Variants in IRX1 observed in about 807,000 individuals in gnomAD.
The protein encoded by IRX1 is iroquois homeobox 1, also known as iroquois-class homeodomain protein IRX-1.
In IRX1, 22 loss-of-function variants were observed where a neutral mutation model predicts 34.1. The observed-to-expected ratio is 0.64, with a 90% confidence interval of 0.46 to 0.92. The LOEUF (loss-of-function observed/expected upper bound fraction) is 0.92, where lower values mean the gene tolerates loss of function less well. Ranked by LOEUF, IRX1 falls within the 40% of genes least tolerant of loss-of-function variation. The probability of loss-of-function intolerance (pLI) is 0.00; values close to 1 mark genes in which losing one functional copy is unlikely to be tolerated. For synonymous variants in IRX1, 363 were observed against 319.0 expected (o/e 1.14, Z -1.47); for missense variants, 758 against 680.0 (o/e 1.11, Z -1.28).
Position 3,601,258 on chromosome 5 carries a change from C to A in IRX1, c.*218C>A. The stretch of plus-strand genomic sequence containing the variant: ...CCTCTGCCGGCGGCTCCAGTGGCTG[C>A]GATTATCGGGTTCGGTAAATGCCCC... On this transcript the variant is annotated 3_prime_UTR_variant, in exon 4 of 4. Coordinates refer to ENST00000302006, the MANE Select transcript of IRX1 (RefSeq NM_024337.4). 1.7e-6 allele frequency: 1 copy of A among 585,978 alleles called. No individual in the cohort carries two copies. The highest frequency in any genetic ancestry group is 3.1e-6 in the Non-Finnish European group (1 of 327,590). The allele number at this position is 585,978 out of a possible 1,614,324, so 36.3% of individuals were successfully genotyped here. A position where few individuals can be genotyped will look rare whatever the true frequency, so the allele number is the denominator to read the frequency against.
rs1460033526 is a variant in IRX1 at position 3,600,021 on chromosome 5, T to C, written c.1073T>C (p.Leu358Pro). ...AGAPLQHPAF[L>P]PSHGLYTCHI... ...GCGCCGCTGCAACACCCCGCCTTCC[T>C]GCCTAGCCACGGACTGTACACCTGC... The change falls in exon 2 of 4, where the codon CTG becomes CCG. Residue 358 changes from leucine to proline, a missense_variant. Around this residue, in one of 3 missense-constraint regions of IRX1, gnomAD observed 529 missense variants for 418.8 expected, o/e 1.26. Coordinates refer to ENST00000302006, the MANE Select transcript of IRX1 (RefSeq NM_024337.4). The C allele has an allele frequency of 6.4e-7, 1 of 1,558,252 alleles. No homozygotes were observed. Among genetic ancestry groups the C allele is most frequent in the Non-Finnish European group, 8.7e-7 (1 of 1,148,700 alleles).
In IRX1 at chr5:3,601,132, G is replaced by A; in HGVS notation, c.*92G>A. On this transcript the variant is annotated 3_prime_UTR_variant, in exon 4 of 4. Transcript: ENST00000302006. ...GGAATTAAGACAAATATTTCAGACT[G>A]GTGTAAAGGACAAATATGACAACGA... 2 of 1,178,012 alleles carry A rather than the reference G, an allele frequency of 1.7e-6. No homozygotes were observed. Among genetic ancestry groups the A allele is most frequent in the African/African-American group, 1.5e-5 (1 of 66,824 alleles). 73.0% of individuals were successfully genotyped at this position (1,178,012 alleles called of 1,614,324 possible). A position where few individuals can be genotyped will look rare whatever the true frequency, so the allele number is the denominator to read the frequency against.
At chr5:3,600,498 C>G (rs1015291748) in intron 2 of IRX1, 111 bp from the exon 3 acceptor site, 2 of 1,028,952 alleles carry the variant, frequency 1.9e-6, no homozygotes, top group Non-Finnish European at 2.9e-6. Context: ...TGAGGGGTGA[C>G]GTTTTTCGGC....
intron 1 of IRX1, 23 bp downstream of exon 1, chr5:3,596,404 G>T (rs3749631): frequency 0.11 from 162,516 of 1,483,168 alleles, 9,842 homozygotes; most frequent in African/African-American, 0.23. Flanking sequence ...GGCCTCCCCC[G>T]CTTCTCCTCT....
In IRX1 at chr5:3,599,410, C is replaced by T. The variant is rs750071324; in HGVS notation, c.462C>T (p.Tyr154=). 10 of 1,614,122 alleles carry T rather than the reference C, an allele frequency of 6.2e-6. No individual in the cohort carries two copies. The South Asian group carries it at 9.9e-5, about 16-fold the overall frequency. Residue 154 remains tyrosine (Y), a synonymous_variant, in exon 2 of 4, where the codon TAC becomes TAT. Coordinates refer to ENST00000302006, the MANE Select transcript of IRX1 (RefSeq NM_024337.4). The surrounding 1 kb of genome is among the most constrained non-coding windows in gnomAD (Gnocchi z 6.6). ...AWLNEHRKNP[Y]PTKGEKIMLA... ...TCAACGAGCACCGCAAGAATCCCTACCCCACCAAGGGCGAGAAGATCATGC... is the reference window on the plus strand; with the variant it reads ...TCAACGAGCACCGCAAGAATCCCTATCCCACCAAGGGCGAGAAGATCATGC...
intron 2 of IRX1, 90 bp downstream of exon 2, chr5:3,600,350 G>A (rs1733931244): frequency 7.8e-7 from 1 of 1,285,990 alleles, no homozygotes; most frequent in African/African-American, 1.5e-5. Context: ...CATGAGCCGG[G>A]AGGGTACCAG....
At position 3,599,876 on chromosome 5, in the gene IRX1, C is replaced by A; in HGVS notation, c.928C>A (p.Pro310Thr). 2 of 1,501,806 alleles carry A rather than the reference C, an allele frequency of 1.3e-6. No individual in the cohort carries two copies. Among genetic ancestry groups the A allele is most frequent in the South Asian group, 1.3e-5 (1 of 76,426 alleles). 93.0% of individuals were successfully genotyped at this position (1,501,806 alleles called of 1,614,324 possible). The change falls in exon 2 of 4, where the codon CCG becomes ACG. Residue 310 changes from proline to threonine, a missense_variant. Transcript: ENST00000302006. This position sits in a 1 kb window ranked among gnomAD's most constrained non-coding sequence, Gnocchi z 6.6. ...GAAAGGLQGA[P>T]HGKPKIWSLA... The stretch of plus-strand genomic sequence containing the variant: ...TGCAGCGGGCGGCCTGCAGGGTGCG[C>A]CGCACGGCAAGCCCAAGATCTGGTC...
In IRX1 at chr5:3,599,579, G is replaced by C; in HGVS notation, c.631G>C (p.Glu211Gln). ...TGGAGCGCTCTTCGGCAGCGACACC[G>C]AGGGCGACCCGGAGAAGGCCGAGGA... Reference protein sequence around the residue: ...EDGALFGSDTEGDPEKAEDDE... With the variant: ...EDGALFGSDTQGDPEKAEDDE... Residue 211 changes from glutamate (E) to glutamine (Q), a missense_variant, in exon 2 of 4, where the codon GAG (glutamate) becomes CAG (glutamine). By Grantham distance (29) the Glu-to-Gln change is conservative (BLOSUM62 2). Transcript: ENST00000302006. This position sits in a 1 kb window ranked among gnomAD's most constrained non-coding sequence, Gnocchi z 6.6. 1.2e-6 allele frequency: 2 copies of C among 1,614,134 alleles called. No homozygotes were observed. The highest frequency in any genetic ancestry group is 1.7e-6 in the Non-Finnish European group (2 of 1,180,028).
intron 1 of IRX1, among the ~76,000 whole-genome samples, chr5:3,597,617 G>A (rs1233416483): frequency 6.6e-6 from 1 of 152,230 alleles, no homozygotes; most frequent in Admixed American, 6.5e-5. Flanking sequence ...TTTACAAGGT[G>A]TCCTTTCAAA....
At position 3,600,603 on chromosome 5, in the gene IRX1, T is replaced by A. The variant is rs1203450931; in HGVS notation, c.1313-6T>A. ...TCCTAACTCTGCCTCTTCCGATCTC[T>A]CGCAGAGAGAGACCTCGTCCCCAGG... On this transcript the variant is annotated splice_polypyrimidine_tract_variant and splice_region_variant and intron_variant, in intron 2 of 3. Coordinates refer to ENST00000302006, the MANE Select transcript of IRX1 (RefSeq NM_024337.4). The A allele has an allele frequency of 2.5e-6, 4 of 1,613,054 alleles. No homozygotes were observed. Among genetic ancestry groups the A allele is most frequent in the Non-Finnish European group, 3.4e-6 (4 of 1,179,398 alleles).
At chr5:3,597,555 G>C (rs1213211343) in intron 1 of IRX1, among the ~76,000 whole-genome samples, 1 of 152,170 alleles carries the variant, frequency 6.6e-6, no homozygotes, top group Non-Finnish European at 1.5e-5. Flanking sequence ...TATCGAAAAA[G>C]ATCAGCCCCC....
Position 3,596,442 on chromosome 5 carries a change from C to T in IRX1, c.276+61C>T. ...CTCACCCGCGCCAGGGCAAGGGTGGCGGGTCGCCCGGGAGGGAGAGACTAC... is the reference window on the plus strand; with the variant it reads ...CTCACCCGCGCCAGGGCAAGGGTGGTGGGTCGCCCGGGAGGGAGAGACTAC... On this transcript the variant is annotated intron_variant, in intron 1 of 3. Transcript: ENST00000302006. 3 of 1,360,122 alleles carry T rather than the reference C, an allele frequency of 2.2e-6. No homozygotes were observed. Among genetic ancestry groups the T allele is most frequent in the Non-Finnish European group, 2.9e-6 (3 of 1,046,668 alleles). 84.3% of individuals were successfully genotyped at this position (1,360,122 alleles called of 1,614,324 possible). A position where few individuals can be genotyped will look rare whatever the true frequency, so the allele number is the denominator to read the frequency against.
intron 1 of IRX1, among the ~76,000 whole-genome samples, chr5:3,597,245 A>G (rs990811100): frequency 6.6e-6 from 1 of 152,188 alleles, no homozygotes; most frequent in African/African-American, 2.4e-5. Context: ...CCGCGGGGGC[A>G]TTGGCCTGTC....
In IRX1 at chr5:3,596,188, T is replaced by C. The variant is rs1431084273; in HGVS notation, c.83T>C (p.Leu28Pro). The C allele has an allele frequency of 9.7e-7, 1 of 1,028,356 alleles. No individual in the cohort carries two copies. The highest frequency in any genetic ancestry group is 1.7e-5 in the African/African-American group (1 of 57,458). 63.7% of individuals were successfully genotyped at this position (1,028,356 alleles called of 1,614,324 possible). ...TACGGCGGCGAGCGCCCGGGGGTGC[T>C]GGCCGCGGCCGCTGCGGCGGCTGCC... ...GAYGGERPGVLAAAAAAAAAA... is the reference protein window; with the variant it reads ...GAYGGERPGVPAAAAAAAAAA... Residue 28 changes from leucine to proline, a missense_variant, in exon 1 of 4, where the codon CTG (leucine) becomes CCG (proline). Leu to Pro is a moderately conservative substitution (Grantham distance 98, BLOSUM62 -3). This residue lies in a region of IRX1 where 195 missense variants were observed against 195.0 expected (regional missense o/e 1.00). Coordinates refer to ENST00000302006, the MANE Select transcript of IRX1 (RefSeq NM_024337.4).
intron 2 of IRX1, 32 bp downstream of exon 2, chr5:3,600,292 T>C: frequency 6.6e-7 from 1 of 1,517,028 alleles, no homozygotes; most frequent in Non-Finnish European, 8.8e-7. Context: ...ACCTGTCCCC[T>C]AGCTGGGAAT....
At chr5:3,598,518 A>T (rs114170585) in intron 1 of IRX1, among the ~76,000 whole-genome samples, 25,787 of 100,304 alleles carry the variant, frequency 0.26, 2,542 homozygotes, top group Admixed American at 0.32. Flanking sequence ...TTTTGTATTA[A>T]AAAAAAAAAT....
At position 3,596,315 on chromosome 5, in the gene IRX1, C is replaced by A; in HGVS notation, c.210C>A (p.Tyr70Ter). 3 of 1,492,254 alleles carry A rather than the reference C, an allele frequency of 2.0e-6. No individual in the cohort carries two copies. Among genetic ancestry groups the A allele is most frequent in the Non-Finnish European group, 1.8e-6 (2 of 1,124,214 alleles). The allele number at this position is 1,492,254 out of a possible 1,614,324, so 92.4% of individuals were successfully genotyped here. ...GCATGTACGCGGCGGCGGGGCCGTA[C>A]GCGGGCGCGCCCAACTACAGCGCCT... is the stretch of plus-strand genomic sequence containing the variant. ...VLGMYAAAGP[Y>*]AGAPNYSAFL... The change falls in exon 1 of 4, where the codon TAC becomes TAA. Residue 70 changes from tyrosine (Y) to a stop codon, truncating the protein, a stop_gained. Coordinates refer to ENST00000302006, the MANE Select transcript of IRX1 (RefSeq NM_024337.4). LOFTEE classifies it high-confidence loss of function.
Position 3,600,204 on chromosome 5 carries a change from C to T in IRX1, c.1256C>T (p.Ala419Val). The change falls in exon 2 of 4, where the codon GCC (alanine) becomes GTC (valine). Residue 419 changes from alanine to valine, a missense_variant. By Grantham distance (64) the Ala-to-Val change is moderately conservative. Around this residue, in one of 3 missense-constraint regions of IRX1, gnomAD observed 529 missense variants for 418.8 expected, o/e 1.26. Transcript: ENST00000302006. ...PPPPQPPVAI[A>V]PGALNGDKAS... ...CCACCGCAGCCGCCGGTCGCTATTGCCCCGGGGGCACTCAATGGAGACAAG... is the reference window on the plus strand; with the variant it reads ...CCACCGCAGCCGCCGGTCGCTATTGTCCCGGGGGCACTCAATGGAGACAAG... 2 of 1,611,060 alleles carry T rather than the reference C, an allele frequency of 1.2e-6. No homozygotes were observed. The highest frequency in any genetic ancestry group is 1.7e-4 in the Middle Eastern group (1 of 6,052).
Position 3,599,529 on chromosome 5 carries a change from G to A in IRX1, c.581G>A (p.Gly194Glu), listed in dbSNP as rs761268857. 5.6e-6 allele frequency: 9 copies of A among 1,614,084 alleles called. No individual in the cohort carries two copies. The South Asian group carries it at 6.6e-5, about 12-fold the overall frequency. The change falls in exon 2 of 4, where the codon GGA (glycine) becomes GAA (glutamate). Residue 194 changes from glycine to glutamate, a missense_variant. Around this residue, in one of 3 missense-constraint regions of IRX1, gnomAD observed 529 missense variants for 418.8 expected, o/e 1.26. Coordinates refer to ENST00000302006, the MANE Select transcript of IRX1 (RefSeq NM_024337.4). The surrounding 1 kb of genome is among the most constrained non-coding windows in gnomAD (Gnocchi z 6.6). ...RLKKENKVTW[G>E]ARSKDQEDGA... ...AAGAAGGAGAACAAGGTGACATGGG[G>A]AGCGCGCAGCAAGGACCAGGAAGAT...
Sources: gnomAD v4.1 joint callset for allele counts (sites outside exome capture counted in the v4.1 genomes callset) on GRCh38, gnomAD v4.1.1 for gene constraint, gnomAD v4.1.1 regional missense constraint, Gnocchi (gnomAD v3.1) non-coding constraint, MANE v1.5 for transcripts, NCBI Gene and HGNC (gene_info 2026-07-23, HGNC 2026-07-21) for gene names.